The following SUMF1 variants were observed in gnomAD, a reference collection of about 807,000 sequenced individuals.
SUMF1 encodes the protein formylglycine-generating enzyme.
SUMF1 carries 48 observed loss-of-function variants against 47.6 expected under a neutral mutation model. The ratio of observed to expected loss-of-function variants is 1.01; its 90% CI spans 0.80 to 1.28. The LOEUF is 1.28. Among genes scored for constraint, SUMF1 ranks in the 50% most tolerant of loss-of-function variants. The probability of loss-of-function intolerance (pLI) is 0.00; values close to 1 mark genes in which losing one functional copy is unlikely to be tolerated. For missense variants in SUMF1, 571 were observed against 485.4 expected (o/e 1.18, Z -1.66); for synonymous variants, 230 against 192.1 (o/e 1.20, Z -1.63).
intron 6 of SUMF1, among the ~76,000 whole-genome samples, chr3:4,411,406 C>T (rs1490256715): frequency 6.6e-6 from 1 of 152,166 alleles, no homozygotes; most frequent in African/African-American, 2.4e-5. Context: ...TCTTTCAGCA[C>T]TGAGCGACCC....
intron 9 of SUMF1, among the ~76,000 whole-genome samples, chr3:4,046,980 T>G (rs1353836925): frequency 6.6e-6 from 1 of 152,078 alleles, no homozygotes; most frequent in East Asian, 1.9e-4. Flanking sequence ...ACCGCATCGC[T>G]TACCACTAAC....
At chr3:4,215,442 T>C (rs1290337053) in intron 8 of SUMF1, among the ~76,000 whole-genome samples, 2 of 152,208 alleles carry the variant, frequency 1.3e-5, no homozygotes, top group Non-Finnish European at 2.9e-5. Context: ...AATATCATAC[T>C]GAATGGGCAA....
intron 8 of SUMF1, among the ~76,000 whole-genome samples, chr3:4,266,142 A>G (rs1249983454): frequency 1.3e-5 from 2 of 152,128 alleles, no homozygotes; most frequent in African/African-American, 4.8e-5. Flanking sequence ...GCCTTGTAGT[A>G]TAGTTTGAAG....
chr3:4,424,922 A>T (rs1167074076), intron 3 of SUMF1, among the ~76,000 whole-genome samples: 1 of 152,154 alleles, frequency 6.6e-6, no homozygotes, highest in Non-Finnish European at 1.5e-5. Context: ...TTTAGGCCAA[A>T]TACCTTGTTA....
chr3:4,196,334 T>C (rs1695428909), intron 8 of SUMF1, among the ~76,000 whole-genome samples: 1 of 152,096 alleles, frequency 6.6e-6, no homozygotes, highest in Non-Finnish European at 1.5e-5. Context: ...ATCCTACAAG[T>C]GACCATTCAG....
At chr3:4,188,987 C>T (rs368845214) in intron 8 of SUMF1, among the ~76,000 whole-genome samples, 1 of 152,000 alleles carries the variant, frequency 6.6e-6, no homozygotes, top group Non-Finnish European at 1.5e-5. Flanking sequence ...ACCATTTTGA[C>T]CGACAAAAAC....
chr3:4,104,955 G>C (rs562857062), intron 8 of SUMF1, among the ~76,000 whole-genome samples: 1 of 152,112 alleles, frequency 6.6e-6, no homozygotes, highest in East Asian at 1.9e-4. Context: ...ACTCACAATT[G>C]CCAAGATATG....
At chr3:4,209,929 C>G (rs1695742933) in intron 8 of SUMF1, among the ~76,000 whole-genome samples, 1 of 152,162 alleles carries the variant, frequency 6.6e-6, no homozygotes, top group Non-Finnish European at 1.5e-5. Context: ...GAGTCTCACT[C>G]TGTCACCCAG....
intron 9 of SUMF1, among the ~76,000 whole-genome samples, chr3:4,048,324 A>C (rs575686905): frequency 1.6e-4 from 25 of 152,272 alleles, no homozygotes; most frequent in African/African-American, 6.0e-4. Flanking sequence ...TACGGTATGC[A>C]GGCACTGCCA....
At chr3:4,451,111 A>C (rs996766187) in intron 2 of SUMF1, among the ~76,000 whole-genome samples, 2 of 152,120 alleles carry the variant, frequency 1.3e-5, no homozygotes, top group Non-Finnish European at 2.9e-5. Flanking sequence ...TAAAATAAAT[A>C]GTATTATGAA....
intron 3 of SUMF1, among the ~76,000 whole-genome samples, chr3:4,445,945 G>A (rs1301242032): frequency 2.0e-5 from 3 of 152,138 alleles, no homozygotes; most frequent in African/African-American, 7.2e-5. Flanking sequence ...ATCTTAAGAT[G>A]AAATATTTAA....
intron 8 of SUMF1, among the ~76,000 whole-genome samples, chr3:4,239,051 T>A (rs1339244303): frequency 6.6e-6 from 1 of 152,194 alleles, no homozygotes; most frequent in African/African-American, 2.4e-5. Context: ...CTATTGCTTG[T>A]TTTTGCCAGG....
intron 4 of SUMF1, 87 bp downstream of exon 4, chr3:4,419,977 A>C (rs1353393294): frequency 1.0e-6 from 1 of 1,000,334 alleles, no homozygotes; most frequent in Non-Finnish European, 1.6e-6. Context: ...TTATAGATGA[A>C]GATGCCCACT....
At chr3:4,312,717 A>C (rs1473871294) in intron 8 of SUMF1, among the ~76,000 whole-genome samples, 1 of 151,520 alleles carries the variant, frequency 6.6e-6, no homozygotes, top group Non-Finnish European at 1.5e-5. Context: ...AAAAAAAAAA[A>C]AAAACTTGTT....
chr3:4,213,510 G>C (rs377464867), intron 8 of SUMF1, among the ~76,000 whole-genome samples: 2 of 152,012 alleles, frequency 1.3e-5, no homozygotes, highest in East Asian at 3.9e-4. Flanking sequence ...TCAACTAACA[G>C]GCAAAACAAC....
intron 8 of SUMF1, among the ~76,000 whole-genome samples, chr3:4,180,876 T>C (rs948112390): frequency 6.6e-6 from 1 of 151,860 alleles, no homozygotes; most frequent in Non-Finnish European, 1.5e-5. Context: ...ATAAATAAAC[T>C]TGGAGTCCCC....
At chr3:4,081,351 C>A (rs771052733) in intron 8 of SUMF1, among the ~76,000 whole-genome samples, 2 of 151,724 alleles carry the variant, frequency 1.3e-5, no homozygotes, top group Non-Finnish European at 2.9e-5. Flanking sequence ...CCTGCTTCTA[C>A]TCAGATGGGC....
chr3:4,348,603 G>A (rs917648356), intron 8 of SUMF1, among the ~76,000 whole-genome samples: 2 of 151,970 alleles, frequency 1.3e-5, no homozygotes, highest in African/African-American at 4.8e-5. Flanking sequence ...AGTGGCTCAA[G>A]CCTGTAATCC....
rs536379115 is a variant in SUMF1, at chr3:4,239,006, T to C, written c.1014+137324A>G. ...CTTTCTGCATATGGCTAGCCAGCTT[T>C]CCCAACACCATTTATTAAATAGGGA... On this transcript the variant is annotated intron_variant and NMD_transcript_variant, in intron 8 of 12. Coordinates refer to the SUMF1 transcript ENST00000448413. Among the ~76,000 whole-genome samples, 3 of 152,292 alleles carry C rather than the reference T, an allele frequency of 2.0e-5. No individual in the cohort carries two copies. The East Asian group carries it at 5.8e-4, about 29-fold the overall frequency.
Sources: gnomAD v4.1 joint callset for allele counts (sites outside exome capture counted in the v4.1 genomes callset) on GRCh38, gnomAD v4.1.1 for gene constraint, MANE v1.5 for transcripts, NCBI Gene and HGNC (gene_info 2026-07-23, HGNC 2026-07-21) for gene names.